SSBP3: variants seen among roughly 807,000 people sequenced by gnomAD.
The protein encoded by SSBP3 is single-stranded DNA-binding protein 3.
In SSBP3, 5 loss-of-function variants were observed where a neutral mutation model predicts 69.6. The observed-to-expected ratio is 0.07, with a 90% CI of 0.04 to 0.15. The LOEUF is 0.15. SSBP3 is among the 10% of genes least tolerant of loss of function. The pLI is 1.00. For missense variants in SSBP3, 312 were observed against 534.0 expected, an observed-to-expected ratio of 0.58 and a Z score of 4.10; for synonymous variants, 196 against 193.4, an observed-to-expected ratio of 1.01 and a Z score of -0.11.
At chr1:54,344,679 T>A (rs1284253877) in intron 4 of SSBP3, among the ~76,000 whole-genome samples, 1 of 152,038 alleles carries the variant, frequency 6.6e-6, no homozygotes, top group African/African-American at 2.4e-5. Flanking sequence ...TCTGTTTTTG[T>A]GGGTGGGAAG....
chr1:54,257,453 A>G (rs1644941830), intron 6 of SSBP3, among the ~76,000 whole-genome samples: 1 of 152,162 alleles, frequency 6.6e-6, no homozygotes, highest in Non-Finnish European at 1.5e-5. Context: ...TTTGCATAAG[A>G]AACGAAAAAC....
At chr1:54,398,402 A>T (rs983937324) in intron 4 of SSBP3, among the ~76,000 whole-genome samples, 1 of 152,232 alleles carries the variant, frequency 6.6e-6, no homozygotes, top group Non-Finnish European at 1.5e-5. Flanking sequence ...CATCAAAAGG[A>T]AAACACAAAA....
At chr1:54,394,319 A>T (rs961755931) in intron 4 of SSBP3, among the ~76,000 whole-genome samples, 5 of 152,170 alleles carry the variant, frequency 3.3e-5, no homozygotes, top group Non-Finnish European at 5.9e-5. Flanking sequence ...CCTGCTATTT[A>T]TATCTATGAT....
At chr1:54,405,718 C>T (rs1231880017) in intron 1 of SSBP3, among the ~76,000 whole-genome samples, 4 of 151,698 alleles carry the variant, frequency 2.6e-5, no homozygotes, top group African/African-American at 4.8e-5. Flanking sequence ...CCCCCTCCGG[C>T]GGCTCCCCCC....
chr1:54,242,225 G>A lies in SSBP3; in HGVS notation c.717-13C>T. On this transcript the variant is annotated splice_polypyrimidine_tract_variant and intron_variant, in intron 10 of 17. Coordinates refer to ENST00000610401, the Ensembl canonical transcript of SSBP3. ...AGCTCCCGGGCCCCTGAGAGAGGGAGAAAGAGATGTGGACAATGAAAAAGG... is the reference window on the plus strand; with the variant it reads ...AGCTCCCGGGCCCCTGAGAGAGGGAAAAAGAGATGTGGACAATGAAAAAGG... 3 of 1,613,852 alleles carry A rather than the reference G, an allele frequency of 1.9e-6. No individual in the cohort carries two copies. The highest frequency in any genetic ancestry group is 2.5e-6 in the Non-Finnish European group (3 of 1,179,972).
At chr1:54,270,023 G>A (rs1489849909) in intron 5 of SSBP3, among the ~76,000 whole-genome samples, 1 of 152,206 alleles carries the variant, frequency 6.6e-6, no homozygotes, top group East Asian at 1.9e-4. Context: ...CGTGGCTTAT[G>A]AATGTATGCT....
intron 4 of SSBP3, among the ~76,000 whole-genome samples, chr1:54,375,242 C>A (rs1346883763): frequency 2.0e-5 from 3 of 152,314 alleles, no homozygotes; most frequent in South Asian, 2.1e-4. Context: ...CACCATGGGA[C>A]TGACAGGGAA....
intron 5 of SSBP3, among the ~76,000 whole-genome samples, chr1:54,265,577 C>CAATG (rs1428271873): frequency 1.3e-5 from 2 of 152,150 alleles, no homozygotes; most frequent in African/African-American, 4.8e-5. Context: ...CCATGACAAT[C>CAATG]AATGGCCCTT....
chr1:54,389,976 A>G (rs533605689), intron 4 of SSBP3, among the ~76,000 whole-genome samples: 1 of 152,102 alleles, frequency 6.6e-6, no homozygotes, highest in Admixed American at 6.5e-5. Flanking sequence ...TTCCTTCTCT[A>G]CAAAATAGGA....
rs181713398 is a variant in SSBP3, at chr1:54,267,732, G to A, written c.367-9583C>T. 1.0e-3 allele frequency among the ~76,000 whole-genome samples: 156 copies of A among 152,264 alleles called. 1 individual carries two copies. The East Asian group carries it at 0.01, about 10-fold the overall frequency. ...GGCTTGACCAAGGAAATGGCAATAC[G>A]ATCTGTATCGTGGGAATCACATATC... is the stretch of plus-strand genomic sequence containing the variant. On this transcript the variant is annotated intron_variant, in intron 5 of 17. Coordinates refer to ENST00000610401, the Ensembl canonical transcript of SSBP3.
chr1:54,406,577 G>C (rs1489051063), upstream of SSBP3, among the ~76,000 whole-genome samples: 3 of 151,784 alleles, frequency 2.0e-5, no homozygotes, highest in Admixed American at 6.6e-5. Context: ...CGGAGCCGCT[G>C]CCTGCTCCTG....
At chr1:54,298,639 G>C (rs1419178761) in intron 4 of SSBP3, among the ~76,000 whole-genome samples, 2 of 152,144 alleles carry the variant, frequency 1.3e-5, no homozygotes, top group Non-Finnish European at 2.9e-5. Context: ...CAGCAGAGGG[G>C]TGTGGTGTGG....
intron 4 of SSBP3, among the ~76,000 whole-genome samples, chr1:54,391,472 C>A (rs557722197): frequency 6.6e-6 from 1 of 152,336 alleles, no homozygotes; most frequent in East Asian, 1.9e-4. Context: ...TATAAAGCTA[C>A]GCTCTGCCCC....
intron 7 of SSBP3, among the ~76,000 whole-genome samples, chr1:54,254,627 T>A (rs1644887598): frequency 6.6e-6 from 1 of 152,146 alleles, no homozygotes; most frequent in Non-Finnish European, 1.5e-5. Context: ...AGTCCTCTAG[T>A]CTCGGCTCCC....
At chr1:54,351,898 T>C (rs1308900505) in intron 4 of SSBP3, among the ~76,000 whole-genome samples, 1 of 152,062 alleles carries the variant, frequency 6.6e-6, no homozygotes, top group Non-Finnish European at 1.5e-5. Context: ...CATCCAAACA[T>C]CTGTATGTTT....
At chr1:54,384,872 T>C (rs1647961173) in intron 4 of SSBP3, among the ~76,000 whole-genome samples, 1 of 152,160 alleles carries the variant, frequency 6.6e-6, no homozygotes. Flanking sequence ...TGACCACCTT[T>C]CCATTTCTGC....
rs56064686 is a variant in SSBP3 at position 54,284,341 on chromosome 1, T to C, written c.277-2814A>G. 2.3e-3 allele frequency among the ~76,000 whole-genome samples: 357 copies of C among 152,250 alleles called. 1 individual carries two copies. The highest frequency in any genetic ancestry group is 6.8e-3 in the Middle Eastern group (2 of 294). ...AGTTACCTCTTAGGTCATTACCTTT[T>C]GAAATGGTTTGCATTGGCCACTTGT... On this transcript the variant is annotated intron_variant, in intron 4 of 17. Coordinates refer to ENST00000610401, the Ensembl canonical transcript of SSBP3.
At chr1:54,276,898 G>A (rs1645298600) in intron 5 of SSBP3, among the ~76,000 whole-genome samples, 1 of 152,060 alleles carries the variant, frequency 6.6e-6, no homozygotes, top group Admixed American at 6.5e-5. Flanking sequence ...TCTCAGCCAG[G>A]GCTGCACTGC....
intron 4 of SSBP3, among the ~76,000 whole-genome samples, chr1:54,341,951 TGGCTGGAGGGCAAAGAGGGAGGA>T (rs1272754279): frequency 6.6e-6 from 1 of 152,188 alleles, no homozygotes; most frequent in African/African-American, 2.4e-5. Flanking sequence ...AAGCCCAATG[TGGCTGGAGGGCAAAGAGGGAGGA>T]GGCTGGAGGG....
Sources: allele counts gnomAD v4.1 joint callset (sites outside exome capture counted in the v4.1 genomes callset), GRCh38; gene constraint gnomAD v4.1.1; transcripts MANE v1.5; gene names NCBI Gene and HGNC (gene_info 2026-07-23, HGNC 2026-07-21).